The following PHGDH variants were observed in gnomAD, a reference collection of about 807,000 sequenced individuals.
PHGDH encodes D-3-phosphoglycerate dehydrogenase.
Under a neutral mutation model 52.6 loss-of-function variants are expected in PHGDH, and 50 were observed. That is an observed-to-expected ratio of 0.95 (90% CI 0.76 to 1.20). PHGDH has a LOEUF of 1.20. Ranked by LOEUF, PHGDH falls within the 50% of genes most tolerant of loss-of-function variation. The pLI is 0.00. For missense variants in PHGDH, 630 were observed against 684.6 expected, an observed-to-expected ratio of 0.92 and a Z score of 0.89; for synonymous variants, 271 against 280.5, an observed-to-expected ratio of 0.97 and a Z score of 0.34.
chr1:119,713,428 CAGA>C (rs765387653), intron 1 of PHGDH: 244 of 152,418 alleles, frequency 1.6e-3, no homozygotes, highest in Non-Finnish European at 2.5e-3. Flanking sequence ...GCCCTGTACT[CAGA>C]AGAATTTGGT....
chr1:119,737,079 T>C, intron 7 of PHGDH, 35 bp from the exon 8 acceptor site: 2 of 1,612,612 alleles, frequency 1.2e-6, no homozygotes, highest in East Asian at 2.2e-5. Context: ...GGCCAGTCCA[T>C]GGCAGCCAAC....
At chr1:119,733,044 G>A (rs1651770500) in intron 5 of PHGDH, among the ~76,000 whole-genome samples, 2 of 152,210 alleles carry the variant, frequency 1.3e-5, no homozygotes, top group African/African-American at 2.4e-5. Flanking sequence ...CTCCTCGCCT[G>A]GACACTTTCT....
Position 119,723,380 on chromosome 1 carries a change from C to T in PHGDH, c.295C>T (p.Pro99Ser). ...TRKGILVMNT[P>S]NGNSLSAAEL... ...CCCCTTTTCTTTGATCTTTAGCACC[C>T]CCAATGGGAACAGCCTCAGTGCCGC... The change falls in exon 3 of 12, where the codon CCC (proline) becomes TCC (serine). Residue 99 changes from proline to serine, a missense_variant. Physicochemically the swap from Pro to Ser is moderately conservative, Grantham distance 74. Coordinates refer to ENST00000641023, the MANE Select transcript of PHGDH (RefSeq NM_006623.4). The T allele has an allele frequency of 6.2e-7, 1 of 1,612,960 alleles. No homozygotes were observed.
Position 119,734,614 on chromosome 1 carries a change from T to C in PHGDH, c.511-20T>C, listed in dbSNP as rs1651850558. On this transcript the variant is annotated intron_variant, in intron 5 of 11. Transcript: ENST00000641023. ...ATAATTAAGAATGACACTTCCTCCCTCTCTCTTGCTTCCAACCAGACTATA... is the reference window on the plus strand; with the variant it reads ...ATAATTAAGAATGACACTTCCTCCCCCTCTCTTGCTTCCAACCAGACTATA... 6.2e-7 allele frequency: 1 copy of C among 1,612,774 alleles called. No homozygotes were observed. The highest frequency in any genetic ancestry group is 8.5e-7 in the Non-Finnish European group (1 of 1,178,766).
chr1:119,712,070 C>T lies in PHGDH; in HGVS notation c.48C>T (p.Asp16=), dbSNP rs765678440. Residue 16 remains aspartate, a synonymous_variant, in exon 1 of 12, where the codon GAC becomes GAT. Transcript: ENST00000641023. ...LRKVLISDSL[D]PCCRKILQDG... ...AAGTGCTCATCAGTGACAGCCTGGA[C>T]CCTTGCTGCCGGAAGATCTTGCAAG... The T allele has an allele frequency of 5.0e-6, 8 of 1,613,982 alleles. No individual in the cohort carries two copies. Among genetic ancestry groups the T allele is most frequent in the East Asian group, 2.2e-5 (1 of 44,898 alleles).
At chr1:119,741,639 C>T in intron 9 of PHGDH, 128 bp from the exon 10 acceptor site, 1 of 839,242 alleles carries the variant, frequency 1.2e-6, no homozygotes, top group Non-Finnish European at 2.1e-6. Context: ...CTGCCTGGAG[C>T]AAGCTGCCTT....
intron 3 of PHGDH, 166 bp downstream of exon 3, chr1:119,723,607 C>T: frequency 2.9e-6 from 2 of 689,340 alleles, no homozygotes; most frequent in Admixed American, 4.1e-5. Flanking sequence ...GCCATCAGGT[C>T]CTCTATTCAA....
At position 119,735,439 on chromosome 1, in the gene PHGDH, C is replaced by A; in HGVS notation, c.788C>A (p.Thr263Lys). Residue 263 changes from threonine (T) to lysine (K), a missense_variant, in exon 7 of 12, where the codon ACG becomes AAG. Thr to Lys is a moderately conservative substitution (Grantham distance 78). Transcript: ENST00000641023. ...GCCGGGGCTGCACTGGACGTGTTTA[C>A]GGAAGTAAGTGCCTGGCAGCCTCAG... ...QCAGAALDVF[T>K]EEPPRDRALV... 1 of 1,612,552 alleles carries A rather than the reference C, an allele frequency of 6.2e-7. No individual in the cohort carries two copies. The highest frequency in any genetic ancestry group is 8.5e-7 in the Non-Finnish European group (1 of 1,179,994).
chr1:119,726,928 C>A, intron 4 of PHGDH, 23 bp downstream of exon 4: 2 of 1,612,980 alleles, frequency 1.2e-6, no homozygotes, highest in Non-Finnish European at 1.7e-6. Context: ...CTTGACTCGC[C>A]CCACCTGGGC....
chr1:119,738,809 A>T (rs934888158), intron 8 of PHGDH, among the ~76,000 whole-genome samples: 2 of 147,766 alleles, frequency 1.4e-5, no homozygotes, highest in African/African-American at 2.5e-5. Context: ...TTGCAGAGAG[A>T]TGGGGAGGAG....
intron 10 of PHGDH, 140 bp downstream of exon 10, chr1:119,742,037 G>T: frequency 1.4e-6 from 1 of 734,296 alleles, no homozygotes; most frequent in Non-Finnish European, 2.4e-6. Context: ...GGTAGCTGCA[G>T]TTTCTTCAAC....
intron 8 of PHGDH, among the ~76,000 whole-genome samples, chr1:119,737,998 C>T (rs1652019138): frequency 6.6e-6 from 1 of 152,128 alleles, no homozygotes; most frequent in South Asian, 2.1e-4. Context: ...TCTTGCTTGG[C>T]CTTTCCAGCC....
intron 7 of PHGDH, among the ~76,000 whole-genome samples, chr1:119,735,923 C>T (rs1313164944): frequency 6.6e-6 from 1 of 152,174 alleles, no homozygotes; most frequent in East Asian, 1.9e-4. Flanking sequence ...AGTATTCCCT[C>T]AGGGTCCTCG....
chr1:119,738,645 C>T (rs1652050782), intron 8 of PHGDH, among the ~76,000 whole-genome samples: 1 of 152,234 alleles, frequency 6.6e-6, no homozygotes, highest in Admixed American at 6.5e-5. Context: ...ACCCTTTCAG[C>T]CTTCTCAGAA....
chr1:119,741,799 A>T lies in PHGDH; in HGVS notation c.1111A>T (p.Ser371Cys), dbSNP rs1221733563. 6.2e-7 allele frequency: 1 copy of T among 1,612,832 alleles called. No homozygotes were observed. Among genetic ancestry groups the T allele is most frequent in the East Asian group, 2.2e-5 (1 of 44,862 alleles). ...TSLKNAGNCLSPAVIVGLLKE... is the reference protein window; with the variant it reads ...TSLKNAGNCLCPAVIVGLLKE... ...CCTGAAGAATGCTGGGAACTGCCTA[A>T]GCCCCGCAGTCATTGTCGGCCTCCT... Residue 371 changes from serine (S) to cysteine (C), a missense_variant, in exon 10 of 12, where the codon AGC becomes TGC. Ser to Cys is a moderately radical substitution (Grantham distance 112). Coordinates refer to ENST00000641023, the MANE Select transcript of PHGDH (RefSeq NM_006623.4).
intron 6 of PHGDH, 91 bp downstream of exon 6, chr1:119,734,857 T>C: frequency 7.1e-7 from 1 of 1,416,390 alleles, no homozygotes; most frequent in South Asian, 1.1e-5. Context: ...CAGACAGTGG[T>C]AACCAGCTGT....
chr1:119,734,666 G>T lies in PHGDH; in HGVS notation c.543G>T (p.Glu181Asp). 6.2e-7 allele frequency: 1 copy of T among 1,614,142 alleles called. No individual in the cohort carries two copies. The highest frequency in any genetic ancestry group is 8.5e-7 in the Non-Finnish European group (1 of 1,179,990). The part of the protein sequence containing the change: ...TIGYDPIISP[E>D]VSASFGVQQL... ...GGTATGACCCCATCATTTCCCCAGA[G>T]GTCTCGGCCTCCTTTGGTGTTCAGC... Residue 181 changes from glutamate (E) to aspartate (D), a missense_variant, in exon 6 of 12, where the codon GAG becomes GAT. Coordinates refer to ENST00000641023, the MANE Select transcript of PHGDH (RefSeq NM_006623.4).
rs587755349 is a variant in PHGDH, at chr1:119,724,567, G to A, written c.356+1126G>A. On this transcript the variant is annotated intron_variant, in intron 3 of 11. Coordinates refer to ENST00000641023, the MANE Select transcript of PHGDH (RefSeq NM_006623.4). ...AAGGGGCCCCCAGGCTGGCAGCCGGGTTCTCCCAGAACATCTAGGCTGAGT... is the reference window on the plus strand; with the variant it reads ...AAGGGGCCCCCAGGCTGGCAGCCGGATTCTCCCAGAACATCTAGGCTGAGT... 7 of 362,860 alleles carry A rather than the reference G, an allele frequency of 1.9e-5. No individual in the cohort carries two copies. The Admixed American group carries it at 2.6e-4, about 14-fold the overall frequency. The allele number at this position is 362,860 out of a possible 1,614,324, so 22.5% of individuals were successfully genotyped here. A position where few individuals can be genotyped will look rare whatever the true frequency, so the allele number is the denominator to read the frequency against.
At chr1:119,724,668 T>G in intron 3 of PHGDH, 1 of 384,082 alleles carries the variant, frequency 2.6e-6, no homozygotes, top group South Asian at 2.0e-5. Context: ...GATTTTTTTT[T>G]TTTTTTTTGA....
Sources: gnomAD v4.1 joint callset for allele counts (sites outside exome capture counted in the v4.1 genomes callset) on GRCh38, gnomAD v4.1.1 for gene constraint, MANE v1.5 for transcripts, NCBI Gene and HGNC (gene_info 2026-07-23, HGNC 2026-07-21) for gene names.